Variants in CABLES1 observed in about 807,000 individuals in gnomAD.
CABLES1 encodes CDK5 and ABL1 enzyme substrate 1.
Under a neutral mutation model 57.8 loss-of-function variants are expected in CABLES1, and 36 were observed. That is an observed-to-expected ratio of 0.62 (90% CI 0.48 to 0.82). The LOEUF is 0.82. Ranked by LOEUF, CABLES1 falls within the 40% of genes least tolerant of loss-of-function variation. CABLES1 has a pLI of 0.00. For synonymous variants in CABLES1, 374 were observed against 363.0 expected (o/e 1.03, Z -0.35); for missense variants, 767 against 836.6 (o/e 0.92, Z 1.03).
At chr18:23,172,265 G>C (rs1461667874) in intron 1 of CABLES1, among the ~76,000 whole-genome samples, 1 of 152,108 alleles carries the variant, frequency 6.6e-6, no homozygotes, top group Non-Finnish European at 1.5e-5. Context: ...TCTGAACCCT[G>C]CCCTCCCTGT....
intron 7 of CABLES1, among the ~76,000 whole-genome samples, chr18:23,241,564 A>G (rs2047737334): frequency 6.6e-6 from 1 of 152,160 alleles, no homozygotes; most frequent in African/African-American, 2.4e-5. Context: ...GTGATATAAG[A>G]TGTAGTACAG....
chr18:23,232,910 T>C (rs1250869800), intron 4 of CABLES1, among the ~76,000 whole-genome samples: 2 of 152,152 alleles, frequency 1.3e-5, no homozygotes, highest in East Asian at 3.8e-4. Context: ...TTTTTTCCCT[T>C]CTCTTCTCAC....
chr18:23,148,234 C>T (rs1363055083), intron 1 of CABLES1, among the ~76,000 whole-genome samples: 2 of 152,092 alleles, frequency 1.3e-5, no homozygotes, highest in East Asian at 1.9e-4. Context: ...CATGATCCAC[C>T]CGCCTCAGCC....
intron 4 of CABLES1, chr18:23,214,499 AG>A (rs1387002481): frequency 6.5e-6 from 1 of 153,592 alleles, no homozygotes; most frequent in Admixed American, 6.5e-5. Flanking sequence ...TCAAAGCAAA[AG>A]GGTTCCAGGA....
intron 6 of CABLES1, 29 bp from the exon 7 acceptor site, chr18:23,237,113 T>C (rs374844780): frequency 6.7e-6 from 9 of 1,345,220 alleles, no homozygotes; most frequent in African/African-American, 2.9e-5. Flanking sequence ...CCGCTAATTA[T>C]CATTTTGCAT....
chr18:23,213,888 A>G, intron 3 of CABLES1, 89 bp from the exon 4 acceptor site: 3 of 815,346 alleles, frequency 3.7e-6, no homozygotes, highest in Non-Finnish European at 4.0e-6. Flanking sequence ...TATGAATGCC[A>G]TGAATGCTTA....
In CABLES1 at chr18:23,207,286, A is replaced by G. The variant is rs549306038; in HGVS notation, c.1011-6691A>G. 2.6e-5 allele frequency among the ~76,000 whole-genome samples: 4 copies of G among 152,336 alleles called. No homozygotes were observed. The South Asian group carries it at 6.2e-4, about 24-fold the overall frequency. On this transcript the variant is annotated intron_variant, in intron 3 of 9. Transcript: ENST00000256925. ...AGGGGTGTTGGTCAAAGCGTTGTAC[A>G]GAGGGGAGTGGAAACGCTGGTGAGT...
At chr18:23,143,439 G>A (rs1424175761) in intron 1 of CABLES1, among the ~76,000 whole-genome samples, 1 of 152,234 alleles carries the variant, frequency 6.6e-6, no homozygotes, top group Admixed American at 6.5e-5. Flanking sequence ...CCTCGTCTGT[G>A]AAATGGGAAT....
intron 5 of CABLES1, among the ~76,000 whole-genome samples, chr18:23,235,283 G>C (rs2047595502): frequency 6.6e-6 from 1 of 152,226 alleles, no homozygotes; most frequent in Non-Finnish European, 1.5e-5. Context: ...GTGTTTCTTG[G>C]GGAATCTGTC....
intron 3 of CABLES1, among the ~76,000 whole-genome samples, chr18:23,210,725 C>G (rs1317786492): frequency 1.4e-4 from 22 of 152,160 alleles, no homozygotes; most frequent in Admixed American, 1.3e-3. Context: ...GCAGTCCCTC[C>G]CAGATGCCAG....
At position 23,258,102 on chromosome 18, in the gene CABLES1, G is replaced by A. The variant is rs1807153972; in HGVS notation, c.*735G>A. 1 of 152,400 alleles carries A rather than the reference G, an allele frequency of 6.6e-6. No individual in the cohort carries two copies. Among genetic ancestry groups the A allele is most frequent in the South Asian group, 2.1e-4 (1 of 4,828 alleles). The allele number at this position is 152,400 out of a possible 1,614,324, so 9.4% of individuals were successfully genotyped here. On this transcript the variant is annotated 3_prime_UTR_variant, in exon 10 of 10. Transcript: ENST00000256925. ...TTTGTTACTGCTCCTACCCACCAAG[G>A]GGATAAAGAAGGCGAGTTCTGAGTG...
intron 4 of CABLES1, among the ~76,000 whole-genome samples, chr18:23,232,744 TACTG>T (rs2047575422): frequency 6.6e-6 from 1 of 152,178 alleles, no homozygotes; most frequent in Non-Finnish European, 1.5e-5. Context: ...ATGCAGCACT[TACTG>T]GGCACAGAAG....
intron 1 of CABLES1, among the ~76,000 whole-genome samples, chr18:23,158,285 G>C (rs575921204): frequency 4.5e-4 from 68 of 152,282 alleles, no homozygotes; most frequent in African/African-American, 1.5e-3. Flanking sequence ...CTGGGCATCA[G>C]AGCAAGACCC....
chr18:23,206,871 C>G (rs1461859826), intron 3 of CABLES1, among the ~76,000 whole-genome samples: 1 of 148,662 alleles, frequency 6.7e-6, no homozygotes, highest in Non-Finnish European at 1.5e-5. Context: ...AATACAGTGG[C>G]ACAATCATAG....
intron 4 of CABLES1, among the ~76,000 whole-genome samples, chr18:23,224,114 CTTT>C (rs879709419): frequency 1.2e-4 from 16 of 136,910 alleles, no homozygotes; most frequent in Admixed American, 1.5e-4. Flanking sequence ...TCGGCTTCCA[CTTT>C]TTTTTTTTTT....
intron 1 of CABLES1, among the ~76,000 whole-genome samples, chr18:23,148,782 C>T (rs561286117): frequency 5.9e-5 from 9 of 152,236 alleles, no homozygotes; most frequent in East Asian, 1.9e-4. Flanking sequence ...TGGTTTAAGA[C>T]GGTGAGTTTA....
intron 1 of CABLES1, among the ~76,000 whole-genome samples, chr18:23,182,286 C>A (rs887061689): frequency 6.6e-6 from 1 of 152,202 alleles, no homozygotes; most frequent in Admixed American, 6.5e-5. Context: ...AGCTCTCTTT[C>A]TTCTTGCTTG....
chr18:23,147,154 C>T (rs1315119755), intron 1 of CABLES1, among the ~76,000 whole-genome samples: 1 of 152,196 alleles, frequency 6.6e-6, no homozygotes, highest in African/African-American at 2.4e-5. Flanking sequence ...CAGCTCTCTC[C>T]AGATAATATT....
intron 3 of CABLES1, among the ~76,000 whole-genome samples, chr18:23,201,795 A>T (rs1351936346): frequency 6.6e-6 from 1 of 152,204 alleles, no homozygotes; most frequent in Non-Finnish European, 1.5e-5. Flanking sequence ...CACAGGTGAA[A>T]GATGAGATAA....
Sources: gnomAD v4.1 joint callset for allele counts (sites outside exome capture counted in the v4.1 genomes callset) on GRCh38, gnomAD v4.1.1 for gene constraint, MANE v1.5 for transcripts, NCBI Gene and HGNC (gene_info 2026-07-23, HGNC 2026-07-21) for gene names.